Variants in RBFOX1 observed in about 807,000 individuals in gnomAD.
The protein encoded by RBFOX1 is RNA binding protein fox-1 homolog 1.
RBFOX1 carries 8 observed loss-of-function variants against 57.7 expected under a neutral mutation model. That is an observed-to-expected ratio of 0.14 (90% CI 0.08 to 0.25). RBFOX1 has a LOEUF of 0.25. RBFOX1 is among the 10% of genes least tolerant of loss of function. The pLI, the probability that RBFOX1 is intolerant of heterozygous loss-of-function variation, is 1.00. For missense variants in RBFOX1, 611 were observed against 548.5 expected, an observed-to-expected ratio of 1.11 and a Z score of -1.14; for synonymous variants, 326 against 222.4, an observed-to-expected ratio of 1.47 and a Z score of -4.15.
At chr16:5,351,610 T>C (rs2151316697) in intron 1 of RBFOX1, among the ~76,000 whole-genome samples, 1 of 152,342 alleles carries the variant, frequency 6.6e-6, no homozygotes, top group Middle Eastern at 3.4e-3. Context: ...AAGCCTTTCC[T>C]CTCTATGGAG....
At chr16:5,279,524 T>G (rs1379062437) in intron 1 of RBFOX1, among the ~76,000 whole-genome samples, 1 of 152,132 alleles carries the variant, frequency 6.6e-6, no homozygotes, top group Non-Finnish European at 1.5e-5. Flanking sequence ...TTTTTTGAGA[T>G]AGAGTCTCAC....
chr16:7,247,793 G>T (rs1402688105), intron 4 of RBFOX1, among the ~76,000 whole-genome samples: 1 of 152,118 alleles, frequency 6.6e-6, no homozygotes, highest in African/African-American at 2.4e-5. Flanking sequence ...TTAAAATGTG[G>T]TTCCAAACAC....
intron 4 of RBFOX1, among the ~76,000 whole-genome samples, chr16:7,324,599 A>G (rs185966051): frequency 3.3e-5 from 5 of 152,260 alleles, no homozygotes; most frequent in African/African-American, 1.2e-4. Flanking sequence ...ATATTCTTAG[A>G]TTTGCTCATT....
At chr16:7,230,191 T>G (rs1490111857) in intron 4 of RBFOX1, among the ~76,000 whole-genome samples, 1 of 151,878 alleles carries the variant, frequency 6.6e-6, no homozygotes, top group Admixed American at 6.6e-5. Flanking sequence ...TTTTTTTAAT[T>G]GGACATCTGT....
chr16:7,051,943 A>G, intron 3 of RBFOX1, 114 bp from the exon 4 acceptor site: 1 of 1,453,122 alleles, frequency 6.9e-7, no homozygotes, highest in Non-Finnish European at 9.3e-7. Flanking sequence ...TACATAATTA[A>G]TTAATTATGG....
chr16:6,531,697 C>G (rs749272113), intron 2 of RBFOX1, among the ~76,000 whole-genome samples: 22 of 152,086 alleles, frequency 1.4e-4, no homozygotes, highest in Non-Finnish European at 2.6e-4. Context: ...GATAGAGTTT[C>G]TCATGGACCC....
intron 1 of RBFOX1, among the ~76,000 whole-genome samples, chr16:6,224,217 A>AG (rs1412979989): frequency 9.4e-6 from 1 of 106,882 alleles, no homozygotes; most frequent in Admixed American, 8.6e-5. Context: ...ACTTTAAAGT[A>AG]GTTATTTTTT....
intron 2 of RBFOX1, among the ~76,000 whole-genome samples, chr16:6,513,444 G>A (rs17540176): frequency 0.29 from 43,458 of 152,086 alleles, 7,611 homozygotes; most frequent in Non-Finnish European, 0.4. Context: ...AAAGTTTGGA[G>A]ACCATGAGGC....
intron 3 of RBFOX1, among the ~76,000 whole-genome samples, chr16:6,725,274 A>G (rs778750475): frequency 8.6e-5 from 13 of 151,630 alleles, no homozygotes; most frequent in Non-Finnish European, 1.6e-4. Flanking sequence ...GATGGTCTGG[A>G]TCTCCTGACC....
intron 3 of RBFOX1, among the ~76,000 whole-genome samples, chr16:5,624,747 G>T (rs1471552576): frequency 2.0e-5 from 3 of 152,220 alleles, no homozygotes; most frequent in African/African-American, 4.8e-5. Flanking sequence ...GGGGTGACAG[G>T]TCTTTGAGCT....
At chr16:6,462,820 G>T (rs1437156472) in intron 2 of RBFOX1, among the ~76,000 whole-genome samples, 1 of 151,570 alleles carries the variant, frequency 6.6e-6, no homozygotes, top group Non-Finnish European at 1.5e-5. Flanking sequence ...ATGGCACATT[G>T]TTGCTTTAAT....
intron 1 of RBFOX1, among the ~76,000 whole-genome samples, chr16:6,130,810 A>T (rs932587457): frequency 6.6e-6 from 1 of 152,196 alleles, no homozygotes; most frequent in Non-Finnish European, 1.5e-5. Context: ...TGGTTAATTC[A>T]TGAGGAAGAT....
intron 1 of RBFOX1, among the ~76,000 whole-genome samples, chr16:6,105,997 C>T (rs909944157): frequency 2.7e-5 from 4 of 149,458 alleles, no homozygotes; most frequent in African/African-American, 9.8e-5. Context: ...TTGCTTTAGT[C>T]TTTTTTTTTT....
intron 3 of RBFOX1, among the ~76,000 whole-genome samples, chr16:6,720,001 G>C (rs921846122): frequency 2.2e-4 from 33 of 151,976 alleles, no homozygotes; most frequent in African/African-American, 7.7e-4. Flanking sequence ...GGCTGAGGCA[G>C]GAGAATCGCT....
intron 2 of RBFOX1, among the ~76,000 whole-genome samples, chr16:6,417,721 A>T (rs1410375745): frequency 6.6e-6 from 1 of 151,110 alleles, no homozygotes; most frequent in African/African-American, 2.4e-5. Context: ...AAAAAAAAAA[A>T]TTAAGTTCAA....
At chr16:6,975,077 G>A (rs764882636) in intron 3 of RBFOX1, among the ~76,000 whole-genome samples, 1 of 152,082 alleles carries the variant, frequency 6.6e-6, no homozygotes, top group Non-Finnish European at 1.5e-5. Context: ...AGAATAAAGA[G>A]GACGGGAAAA....
intron 3 of RBFOX1, among the ~76,000 whole-genome samples, chr16:6,931,333 CTATCTCT>C (rs1567941925): frequency 3.9e-5 from 5 of 126,690 alleles, no homozygotes; most frequent in South Asian, 2.4e-4. Flanking sequence ...ATCTATCTAT[CTATCTCT>C]ACACACACAC....
chr16:5,683,236 A>G (rs2050399439), intron 3 of RBFOX1, among the ~76,000 whole-genome samples: 1 of 152,062 alleles, frequency 6.6e-6, no homozygotes, highest in Non-Finnish European at 1.5e-5. Context: ...AAGCCTTCGA[A>G]AAATAGTAAT....
intron 3 of RBFOX1, among the ~76,000 whole-genome samples, chr16:6,903,692 T>TC (rs2153416243): frequency 6.6e-6 from 1 of 152,024 alleles, no homozygotes; most frequent in Non-Finnish European, 1.5e-5. Flanking sequence ...TTTCAGAAAG[T>TC]CTTTAAGGGC....
Sources: gnomAD v4.1 joint callset for allele counts (sites outside exome capture counted in the v4.1 genomes callset) on GRCh38, gnomAD v4.1.1 for gene constraint, MANE v1.5 for transcripts, NCBI Gene and HGNC (gene_info 2026-07-23, HGNC 2026-07-21) for gene names.